Variants in GRB10 observed in about 807,000 individuals in gnomAD.
The protein encoded by GRB10 is growth factor receptor-bound protein 10.
Under a neutral mutation model 80.9 loss-of-function variants are expected in GRB10, and 20 were observed. That is an observed-to-expected ratio of 0.25 (90% CI 0.17 to 0.36). The LOEUF is 0.36. GRB10 is among the 10% of genes least tolerant of loss of function. GRB10 has a pLI of 1.00. For missense variants in GRB10, 548 were observed against 747.7 expected, an observed-to-expected ratio of 0.73 and a Z score of 3.12; for synonymous variants, 291 against 291.5, an observed-to-expected ratio of 1.00 and a Z score of 0.02.
At chr7:50,674,005 G>A (rs2240499) in intron 6 of GRB10, among the ~76,000 whole-genome samples, 85,699 of 151,916 alleles carry the variant, frequency 0.56, 24,660 homozygotes, top group African/African-American at 0.66. Context: ...GTGGCAAAAT[G>A]CAACTCTGAG....
intron 7 of GRB10, among the ~76,000 whole-genome samples, chr7:50,628,406 T>C (rs1466933335): frequency 3.3e-5 from 5 of 152,158 alleles, no homozygotes; most frequent in Admixed American, 3.3e-4. Flanking sequence ...GCGTGGAGTC[T>C]GACAGCAGAG....
At chr7:50,671,314 T>C (rs533122869) in intron 6 of GRB10, among the ~76,000 whole-genome samples, 2 of 152,366 alleles carry the variant, frequency 1.3e-5, no homozygotes, top group East Asian at 3.8e-4. Context: ...TTGACAATTT[T>C]TACGATTTCA....
intron 3 of GRB10, among the ~76,000 whole-genome samples, chr7:50,741,249 T>G (rs1224368100): frequency 6.6e-6 from 1 of 152,180 alleles, no homozygotes; most frequent in African/African-American, 2.4e-5. Flanking sequence ...TGAGAAGGCA[T>G]TAATTGATAT....
At chr7:50,671,177 C>T (rs957293178) in intron 6 of GRB10, among the ~76,000 whole-genome samples, 3 of 152,208 alleles carry the variant, frequency 2.0e-5, no homozygotes, top group African/African-American at 7.2e-5. Context: ...GCCCTGTCTG[C>T]AGCCTCCTAC....
In GRB10 at chr7:50,759,563, C is replaced by T. The variant is rs117975136; in HGVS notation, c.-216-3507G>A. On this transcript the variant is annotated intron_variant, in intron 2 of 18. Transcript: ENST00000401949. ...TACAATACCTGACATGATGTAAATG[C>T]TATATTGTTTATGCTGTATTGTTTT... 1.2e-3 allele frequency among the ~76,000 whole-genome samples: 186 copies of T among 152,200 alleles called. 1 individual carries two copies. Among genetic ancestry groups the T allele is most frequent in the Admixed American group, 3.2e-3 (49 of 15,296 alleles).
chr7:50,737,789 A>C (rs909113684), intron 3 of GRB10, among the ~76,000 whole-genome samples: 6 of 152,248 alleles, frequency 3.9e-5, no homozygotes. Context: ...CAGAGGTTGC[A>C]GTGAGCTGAG....
chr7:50,673,378 A>G (rs1368779996), intron 6 of GRB10, among the ~76,000 whole-genome samples: 1 of 152,128 alleles, frequency 6.6e-6, no homozygotes, highest in African/African-American at 2.4e-5. Context: ...TGATTCTACA[A>G]AGATCTTCAT....
At chr7:50,610,221 C>T (rs2049270568) in intron 13 of GRB10, among the ~76,000 whole-genome samples, 1 of 152,220 alleles carries the variant, frequency 6.6e-6, no homozygotes. Flanking sequence ...TACCTCCCCA[C>T]TGTCCCTAAC....
intron 5 of GRB10, among the ~76,000 whole-genome samples, chr7:50,686,452 G>A (rs931783686): frequency 6.6e-6 from 1 of 152,204 alleles, no homozygotes; most frequent in South Asian, 2.1e-4. Flanking sequence ...GTTCCAAAAT[G>A]AATGCTTACT....
intron 2 of GRB10, among the ~76,000 whole-genome samples, chr7:50,773,847 A>T (rs1036215551): frequency 1.3e-5 from 2 of 152,174 alleles, no homozygotes; most frequent in African/African-American, 4.8e-5. Context: ...AAGGGAATTT[A>T]TTTGTTTGTT....
chr7:50,656,737 G>A (rs73114877), intron 7 of GRB10, among the ~76,000 whole-genome samples: 13,266 of 152,244 alleles, frequency 0.087, 872 homozygotes, highest in Non-Finnish European at 0.11. Context: ...TCATTAGGGA[G>A]AATGCAGAGG....
chr7:50,699,970 C>T (rs1009745331), intron 5 of GRB10, among the ~76,000 whole-genome samples: 2 of 152,018 alleles, frequency 1.3e-5, no homozygotes, highest in Non-Finnish European at 2.9e-5. Context: ...CCTGTCTCTA[C>T]TAAAAAATAC....
At chr7:50,631,165 C>A (rs943291967) in intron 7 of GRB10, among the ~76,000 whole-genome samples, 4 of 152,150 alleles carry the variant, frequency 2.6e-5, no homozygotes, top group Admixed American at 2.0e-4. Flanking sequence ...AGTCTTAGAC[C>A]TTGCTCTTGG....
intron 3 of GRB10, among the ~76,000 whole-genome samples, chr7:50,747,317 G>C (rs147752129): frequency 6.6e-6 from 1 of 152,322 alleles, no homozygotes; most frequent in African/African-American, 2.4e-5. Context: ...GCGAAGCAGA[G>C]CAGGTCCCCA....
intron 4 of GRB10, among the ~76,000 whole-genome samples, chr7:50,730,498 C>A (rs1257363973): frequency 6.6e-6 from 1 of 152,204 alleles, no homozygotes; most frequent in East Asian, 1.9e-4. Context: ...GAACTGTCAT[C>A]TTATTTTCCA....
Position 50,606,352 on chromosome 7 carries a change from C to G in GRB10, c.1257G>C (p.Pro419=). The change falls in exon 14 of 19, where the codon CCG becomes CCC. Residue 419 remains proline (P), a synonymous_variant. Coordinates refer to ENST00000401949, the MANE Select transcript of GRB10 (RefSeq NM_001350814.2). The part of the protein sequence containing the change: ...IPQQRKALLS[P]FSTPVRSVSE... ...CTTTACTTACCACTGGCGTCGAGAACGGGGACAGCAAGGCCTTCCTCTGCT... is the reference window on the plus strand; with the variant it reads ...CTTTACTTACCACTGGCGTCGAGAAGGGGGACAGCAAGGCCTTCCTCTGCT... The G allele has an allele frequency of 6.2e-7, 1 of 1,613,834 alleles. No individual in the cohort carries two copies. Among genetic ancestry groups the G allele is most frequent in the Non-Finnish European group, 8.5e-7 (1 of 1,179,710 alleles).
intron 7 of GRB10, among the ~76,000 whole-genome samples, chr7:50,652,596 G>A (rs2058125994): frequency 6.6e-6 from 1 of 152,120 alleles, no homozygotes; most frequent in Non-Finnish European, 1.5e-5. Flanking sequence ...ACATGCACCA[G>A]GTATGTGTCC....
At chr7:50,607,743 T>G (rs1483640597) in intron 13 of GRB10, among the ~76,000 whole-genome samples, 12 of 152,196 alleles carry the variant, frequency 7.9e-5, no homozygotes, top group Admixed American at 7.9e-4. Flanking sequence ...TAGCTGAGGC[T>G]TGCCACCTAA....
chr7:50,770,760 C>A (rs1157965808), intron 2 of GRB10, among the ~76,000 whole-genome samples: 2 of 27,196 alleles, frequency 7.4e-5, no homozygotes, highest in African/African-American at 5.6e-4. Flanking sequence ...ACACTCTTCC[C>A]ATTTTTTTTG....
Sources: gnomAD v4.1 joint callset for allele counts (sites outside exome capture counted in the v4.1 genomes callset) on GRCh38, gnomAD v4.1.1 for gene constraint, MANE v1.5 for transcripts, NCBI Gene and HGNC (gene_info 2026-07-23, HGNC 2026-07-21) for gene names.